The following GET1 variants were observed in gnomAD, a reference collection of about 807,000 sequenced individuals.
GET1 encodes guided entry of tail-anchored proteins factor 1.
In GET1, 20 loss-of-function variants were observed where a neutral mutation model predicts 22.6. That is an observed-to-expected ratio of 0.89 (90% confidence interval 0.62 to 1.29). The LOEUF is 1.29. GET1 is among the 50% of genes most tolerant of loss of function. The pLI, the probability that GET1 is intolerant of heterozygous loss-of-function variation, is 0.00. For missense variants in GET1, 209 were observed against 219.9 expected (o/e 0.95, Z 0.31); for synonymous variants, 92 against 83.8 (o/e 1.10, Z -0.53).
At chr21:39,421,389 C>T (rs774094536) in intron 1 of GET1, among the ~76,000 whole-genome samples, 5 of 152,170 alleles carry the variant, frequency 3.3e-5, no homozygotes, top group South Asian at 2.1e-4. Context: ...GTGCCCTGCC[C>T]GATTTAAACA....
intron 1 of GET1, among the ~76,000 whole-genome samples, chr21:39,412,346 T>A (rs1601723297): frequency 6.6e-6 from 1 of 152,196 alleles, no homozygotes; most frequent in Non-Finnish European, 1.5e-5. Context: ...GTATCATTGT[T>A]CCATTTTAAA....
At chr21:39,389,561 G>A (rs527808532) in intron 1 of GET1, among the ~76,000 whole-genome samples, 3 of 152,314 alleles carry the variant, frequency 2.0e-5, no homozygotes, top group East Asian at 1.9e-4. Context: ...ACCGCCCACT[G>A]TTACCCAAGT....
At chr21:39,398,468 A>T (rs944965701), downstream of GET1, among the ~76,000 whole-genome samples, 2 of 152,184 alleles carry the variant, frequency 1.3e-5, no homozygotes, top group African/African-American at 4.8e-5. Flanking sequence ...GAATTTTGAC[A>T]AATCTCACTG....
chr21:39,382,061 T>C (rs905615765), intron 1 of GET1, among the ~76,000 whole-genome samples: 20 of 151,154 alleles, frequency 1.3e-4, no homozygotes, highest in Admixed American at 7.9e-4. Context: ...CATTTTCTTT[T>C]TTTTTTTTTT....
At chr21:39,394,597 C>T (rs143251849) in intron 4 of GET1, among the ~76,000 whole-genome samples, 79 of 152,194 alleles carry the variant, frequency 5.2e-4, no homozygotes, top group African/African-American at 1.8e-3. Context: ...ATCAAGGTGC[C>T]GGCAGATTTG....
chr21:39,426,660 G>A (rs761441471), intron 1 of GET1, among the ~76,000 whole-genome samples: 1 of 152,210 alleles, frequency 6.6e-6, no homozygotes, highest in Non-Finnish European at 1.5e-5. Flanking sequence ...GTTCAAATAA[G>A]GTTTTTGTTG....
intron 1 of GET1, among the ~76,000 whole-genome samples, chr21:39,384,367 C>A (rs1184239685): frequency 2.0e-5 from 3 of 151,976 alleles, no homozygotes; most frequent in Admixed American, 6.6e-5. Context: ...AGCGATTCTC[C>A]TGCCTTAGCC....
intron 1 of GET1, chr21:39,387,800 GCTTCCAAGCTCTAAA>G (rs1275782719): frequency 5.1e-6 from 5 of 985,578 alleles, no homozygotes; most frequent in Non-Finnish European, 6.0e-6. Flanking sequence ...GCGGGTCGCG[GCTTCCAAGCTCTAAA>G]TGGAGAGTTG....
downstream of GET1, among the ~76,000 whole-genome samples, chr21:39,402,644 T>G (rs142788728): frequency 6.6e-6 from 1 of 152,236 alleles, no homozygotes; most frequent in African/African-American, 2.4e-5. Context: ...AGCAGCTGAT[T>G]TAGAAACGTT....
At chr21:39,399,032 G>A (rs1029128482), downstream of GET1, among the ~76,000 whole-genome samples, 6 of 152,222 alleles carry the variant, frequency 3.9e-5, no homozygotes, top group Non-Finnish European at 7.3e-5. Context: ...AAGCCACCGC[G>A]CCCGGCCTGC....
intron 1 of GET1, chr21:39,420,788 A>G (rs368075212): frequency 2.5e-6 from 4 of 1,613,280 alleles, no homozygotes; most frequent in Non-Finnish European, 3.4e-6. Flanking sequence ...CCGAGTCTCA[A>G]TAGCCAGCTG....
intron 1 of GET1, chr21:39,387,860 G>A (rs2038022957): frequency 2.0e-6 from 2 of 983,782 alleles, no homozygotes; most frequent in East Asian, 1.1e-4. Context: ...AGACCTGTAA[G>A]CTGGAAGGGG....
At chr21:39,421,089 AT>A (rs2147643483) in intron 1 of GET1, among the ~76,000 whole-genome samples, 1 of 149,978 alleles carries the variant, frequency 6.7e-6, no homozygotes, top group East Asian at 1.9e-4. Flanking sequence ...CTAAAATTTG[AT>A]TTAACAATTC....
chr21:39,409,895 T>C (rs2039791869), downstream of GET1: 1 of 799,182 alleles, frequency 1.3e-6, no homozygotes, highest in Non-Finnish European at 2.0e-6. This position sits in a 1 kb window ranked among gnomAD's most constrained non-coding sequence, Gnocchi z 4.2. Context: ...TGCCCAGCTG[T>C]TTTATGTGTG....
chr21:39,396,580 G>T (rs1395066546), intron 4 of GET1, among the ~76,000 whole-genome samples: 3 of 151,270 alleles, frequency 2.0e-5, no homozygotes, highest in Non-Finnish European at 4.4e-5. Context: ...CCAGCTACTC[G>T]GGAGGCTGAG....
intron 1 of GET1, among the ~76,000 whole-genome samples, chr21:39,427,136 C>T (rs1178530234): frequency 6.6e-6 from 1 of 152,224 alleles, no homozygotes; most frequent in Non-Finnish European, 1.5e-5. Flanking sequence ...GGCAGATGCA[C>T]TCCCCAAACA....
intron 4 of GET1, among the ~76,000 whole-genome samples, chr21:39,403,365 T>C (rs59963259): frequency 0.024 from 3,727 of 152,130 alleles, 83 homozygotes; most frequent in African/African-American, 0.052. Flanking sequence ...CTCGCTCTGT[T>C]GCCCAGGCTG....
downstream of GET1, chr21:39,410,451 C>T: frequency 1.4e-6 from 1 of 699,756 alleles, no homozygotes; most frequent in Non-Finnish European, 2.4e-6. Context: ...AACTTTTATG[C>T]AATGTAATAA....
At chr21:39,395,732 C>T (rs1042174783) in intron 4 of GET1, among the ~76,000 whole-genome samples, 8 of 152,168 alleles carry the variant, frequency 5.3e-5, no homozygotes, top group Admixed American at 1.3e-4. Context: ...CTTTCCTTCC[C>T]CTCTCCTTTG....
Sources: allele counts gnomAD v4.1 joint callset (sites outside exome capture counted in the v4.1 genomes callset), GRCh38; gene constraint gnomAD v4.1.1; non-coding constraint Gnocchi (gnomAD v3.1); transcripts MANE v1.5; gene names NCBI Gene and HGNC (gene_info 2026-07-23, HGNC 2026-07-21).